Variants in STK38 observed in about 807,000 individuals in gnomAD.
The protein encoded by STK38 is serine/threonine kinase 38, also known as serine/threonine-protein kinase 38.
A neutral mutation model predicts 59.0 loss-of-function variants in STK38; 26 were observed. The ratio of observed to expected loss-of-function variants is 0.44; its 90% CI spans 0.32 to 0.61. The LOEUF (loss-of-function observed/expected upper bound fraction) is 0.61. Among genes scored for constraint, STK38 ranks in the 20% least tolerant of loss-of-function variants. The pLI is 0.04. For synonymous variants in STK38, 175 were observed against 176.6 expected (o/e 0.99, Z 0.07); for missense variants, 433 against 566.0 (o/e 0.76, Z 2.38).
intron 5 of STK38, among the ~76,000 whole-genome samples, chr6:36,519,569 A>G (rs937461835): frequency 2.6e-5 from 4 of 152,202 alleles, no homozygotes; most frequent in African/African-American, 9.7e-5. Flanking sequence ...CCATGAGCAC[A>G]CCTTGCCTTT....
At chr6:36,504,953 G>GAAAAGA (rs1776929794) in intron 9 of STK38, among the ~76,000 whole-genome samples, 1 of 98,032 alleles carries the variant, frequency 1.0e-5, no homozygotes, top group African/African-American at 3.7e-5. Context: ...AAGAAAGAAA[G>GAAAAGA]AAAAGAAATC....
intron 10 of STK38, 91 bp downstream of exon 10, chr6:36,499,782 T>C: frequency 1.9e-6 from 2 of 1,032,750 alleles, no homozygotes; most frequent in Non-Finnish European, 3.0e-6. Context: ...GGAAATCACT[T>C]AGATCACTGC....
At chr6:36,500,871 A>G (rs1776822314) in intron 9 of STK38, among the ~76,000 whole-genome samples, 1 of 152,188 alleles carries the variant, frequency 6.6e-6, no homozygotes, top group Non-Finnish European at 1.5e-5. Context: ...CTATATGATC[A>G]AAAGCTAAAG....
chr6:36,524,578 TA>T (rs1463573721), intron 3 of STK38, 115 bp from the exon 4 acceptor site: 6 of 1,087,954 alleles, frequency 5.5e-6, no homozygotes, highest in Admixed American at 5.4e-5. Context: ...GGACTAAGGA[TA>T]ATCTTTTCAC....
intron 10 of STK38, among the ~76,000 whole-genome samples, chr6:36,498,988 C>G (rs560667478): frequency 1.3e-5 from 2 of 152,190 alleles, no homozygotes; most frequent in East Asian, 3.9e-4. Context: ...ATACCTAAAC[C>G]TATTTTTCAT....
rs1014130757 is a variant in STK38 at position 36,499,977 on chromosome 6, A to C, written c.848T>G (p.Val283Gly). The C allele has an allele frequency of 6.2e-7, 1 of 1,613,562 alleles. No individual in the cohort carries two copies. The highest frequency in any genetic ancestry group is 8.5e-7 in the Non-Finnish European group (1 of 1,179,680). Residue 283 changes from valine (V) to glycine (G), a missense_variant, in exon 10 of 14, where the codon GTA becomes GGA. Val to Gly is a moderately radical substitution (Grantham distance 109). Transcript: ENST00000229812. ...AGGAGCAATGTAGTCAGGAGTGCCT[A>C]CTGTGGAGAAGGCCTGAAACATGGA... ...RNRRQLAFST[V>G]GTPDYIAPEV...
intron 2 of STK38, among the ~76,000 whole-genome samples, chr6:36,527,224 A>T (rs1481363892): frequency 7.0e-6 from 1 of 143,660 alleles, no homozygotes; most frequent in Non-Finnish European, 1.5e-5. Flanking sequence ...GTATATATAT[A>T]TATATTTATA....
chr6:36,517,177 C>T (rs1313794519), intron 6 of STK38, among the ~76,000 whole-genome samples: 6 of 152,076 alleles, frequency 3.9e-5, no homozygotes, highest in African/African-American at 7.2e-5. Context: ...CTGCTTTCCT[C>T]AGAACAGATG....
At chr6:36,530,213 C>T (rs952418485) in intron 2 of STK38, among the ~76,000 whole-genome samples, 1 of 151,318 alleles carries the variant, frequency 6.6e-6, no homozygotes, top group African/African-American at 2.4e-5. Flanking sequence ...TGCACTCCAG[C>T]CTGGGTGACA....
At chr6:36,509,387 A>G (rs1777048165) in intron 7 of STK38, among the ~76,000 whole-genome samples, 2 of 152,104 alleles carry the variant, frequency 1.3e-5, no homozygotes, top group Admixed American at 6.5e-5. Context: ...GTGGTGAGAA[A>G]AATTGTAGAA....
chr6:36,534,066 AT>A (rs2127487706), intron 2 of STK38, among the ~76,000 whole-genome samples: 1 of 152,348 alleles, frequency 6.6e-6, no homozygotes, highest in Admixed American at 6.5e-5. Flanking sequence ...TTATCAAAAT[AT>A]TAGCATATCA....
Position 36,521,938 on chromosome 6 carries a change from T to A in STK38, c.307-121A>T, listed in dbSNP as rs1451201076. 5.6e-6 allele frequency: 4 copies of A among 713,416 alleles called. No homozygotes were observed. The African/African-American group carries it at 7.3e-5, about 13-fold the overall frequency. 44.2% of individuals were successfully genotyped at this position (713,416 alleles called of 1,614,324 possible). A position where few individuals can be genotyped will look rare whatever the true frequency, so the allele number is the denominator to read the frequency against. ...TTACAATTTTAACATGAGCAACTAG[T>A]AATAACAAAGCAGAAGAAAATGCTT... On this transcript the variant is annotated intron_variant, in intron 4 of 13. Coordinates refer to ENST00000229812, the MANE Select transcript of STK38 (RefSeq NM_007271.4).
chr6:36,537,061 C>T (rs759599362), intron 2 of STK38, among the ~76,000 whole-genome samples: 1 of 152,068 alleles, frequency 6.6e-6, no homozygotes, highest in Non-Finnish European at 1.5e-5. Context: ...AAACAAAGAA[C>T]TCCTGCAACT....
chr6:36,543,184 C>A (rs1241033889), intron 1 of STK38, among the ~76,000 whole-genome samples: 1 of 151,514 alleles, frequency 6.6e-6, no homozygotes, highest in Non-Finnish European at 1.5e-5. Flanking sequence ...CCTGCCTCAG[C>A]CTCCCGAGTA....
chr6:36,503,282 G>A (rs1214056440), intron 9 of STK38, among the ~76,000 whole-genome samples: 1 of 151,872 alleles, frequency 6.6e-6, no homozygotes, highest in Non-Finnish European at 1.5e-5. Context: ...ATGAGCTGTA[G>A]TTCTTGTTTA....
Position 36,541,799 on chromosome 6 carries a change from C to T in STK38, c.-5-1592G>A, listed in dbSNP as rs192515913. ...GGTAGTGGGAATAGAAAATGTTATT[C>T]TTGCTTGTGCTTTTTCCATGTTTTT... On this transcript the variant is annotated intron_variant, in intron 1 of 13. Coordinates refer to ENST00000229812, the MANE Select transcript of STK38 (RefSeq NM_007271.4). Among the ~76,000 whole-genome samples the T allele has an allele frequency of 2.0e-5, 3 of 150,438 alleles. No homozygotes were observed. The East Asian group carries it at 5.8e-4, about 29-fold the overall frequency.
Position 36,527,738 on chromosome 6 carries a change from T to C in STK38, c.132-2096A>G, listed in dbSNP as rs1200154044. 2.6e-5 allele frequency among the ~76,000 whole-genome samples: 4 copies of C among 152,082 alleles called. No homozygotes were observed. The East Asian group carries it at 7.8e-4, about 29-fold the overall frequency. On this transcript the variant is annotated intron_variant, in intron 2 of 13. Coordinates refer to ENST00000229812, the MANE Select transcript of STK38 (RefSeq NM_007271.4). Reference sequence around the variant, plus strand: ...ATGAAAGCACATGGGCTAGAATCTCTCCTCCACCACTCATCAGCATTCCAG... The same window carrying C: ...ATGAAAGCACATGGGCTAGAATCTCCCCTCCACCACTCATCAGCATTCCAG...
At chr6:36,514,287 C>A (rs1033667298) in intron 7 of STK38, among the ~76,000 whole-genome samples, 18 of 149,236 alleles carry the variant, frequency 1.2e-4, no homozygotes, top group African/African-American at 2.5e-5. Context: ...GCACTTCAAC[C>A]TGGATGACAG....
chr6:36,527,236 GTATATACACATGTATACATATGTATA>G (rs1290278221), intron 2 of STK38, among the ~76,000 whole-genome samples: 2 of 131,800 alleles, frequency 1.5e-5, no homozygotes, highest in Non-Finnish European at 3.1e-5. Context: ...ATATTTATAT[GTATATACACATGTATACATATGTATA>G]TATGTACACA....
Sources: allele counts gnomAD v4.1 joint callset (sites outside exome capture counted in the v4.1 genomes callset), GRCh38; gene constraint gnomAD v4.1.1; transcripts MANE v1.5; gene names NCBI Gene and HGNC (gene_info 2026-07-23, HGNC 2026-07-21).